CHD1: variants seen among roughly 807,000 people sequenced by gnomAD.
The protein encoded by CHD1 is ATP-dependent chromatin remodeler CHD1.
A neutral mutation model predicts 224.2 loss-of-function variants in CHD1; 36 were observed. That is an observed-to-expected ratio of 0.16 (90% CI 0.12 to 0.21). The LOEUF (loss-of-function observed/expected upper bound fraction) is 0.21, where lower values mean the gene tolerates loss of function less well. CHD1 is among the 10% of genes least tolerant of loss of function. CHD1 has a pLI of 1.00. For synonymous variants in CHD1, 668 were observed against 658.3 expected, an observed-to-expected ratio of 1.01 and a Z score of -0.23; for missense variants, 1,378 against 1,994.8, an observed-to-expected ratio of 0.69 and a Z score of 5.89.
At chr5:98,928,193 C>T (rs1399570366) in intron 1 of CHD1, among the ~76,000 whole-genome samples, 2 of 152,014 alleles carry the variant, frequency 1.3e-5, no homozygotes, top group Non-Finnish European at 2.9e-5. Context: ...CCCCCTCCCG[C>T]CGCTCCCCAC....
At position 98,901,229 on chromosome 5, in the gene CHD1, A is replaced by C. The variant is rs1253197188; in HGVS notation, c.544T>G (p.Tyr182Asp). Residue 182 changes from tyrosine (Y) to aspartate (D), a missense_variant, in exon 6 of 36, where the codon TAT becomes GAT. Physicochemically the swap from Tyr to Asp is radical, Grantham distance 160. Transcript: ENST00000614616. Reference protein sequence around the residue: ...KSSCDETESDYEPKNKVKSRK... With the variant: ...KSSCDETESDDEPKNKVKSRK... ...CTTTTGACTTTGTTTTTTGGCTCAT[A>C]ATCAGATTCTGTTTCATCACAACTG... is the stretch of plus-strand genomic sequence containing the variant. 1.2e-6 allele frequency: 2 copies of C among 1,613,676 alleles called. No homozygotes were observed. The highest frequency in any genetic ancestry group is 2.2e-5 in the East Asian group (1 of 44,836).
intron 1 of CHD1, among the ~76,000 whole-genome samples, chr5:98,926,880 A>C (rs1220810211): frequency 7.7e-6 from 1 of 129,456 alleles, no homozygotes; most frequent in Non-Finnish European, 1.6e-5. Context: ...AGAGTAGATA[A>C]CGGAGTCTTA....
At position 98,901,180 on chromosome 5, in the gene CHD1, C is replaced by G; in HGVS notation, c.587+6G>C. 6.2e-7 allele frequency: 1 copy of G among 1,609,442 alleles called. No homozygotes were observed. ...ATCAATTTTCAGCACCAAACTGAGA[C>G]CATACCTATTTTGAGGTTTTCTGCT... On this transcript the variant is annotated splice_donor_region_variant and intron_variant, in intron 6 of 35. Transcript: ENST00000614616.
intron 17 of CHD1, 83 bp downstream of exon 17, chr5:98,888,003 CTT>C (rs1750765380): frequency 4.6e-6 from 4 of 864,040 alleles, no homozygotes; most frequent in Non-Finnish European, 6.7e-6. Context: ...AACCTAAACA[CTT>C]ATAAAATAAT....
At position 98,872,497 on chromosome 5, in the gene CHD1, A is replaced by G. The variant is rs1580382468; in HGVS notation, c.3630T>C (p.Asn1210=). ...CTTCATGGGAGATGACTAGTTTGGC[A>G]TTCACCTGTACTCCTGATATTCGGA... ...PTFRISGVQV[N]AKLVISHEEE... is the part of the protein sequence containing the mutation. The change falls in exon 27 of 36, where the codon AAT becomes AAC. Residue 1210 remains asparagine (N), a synonymous_variant. Transcript: ENST00000614616. 1 of 1,613,764 alleles carries G rather than the reference A, an allele frequency of 6.2e-7. No homozygotes were observed. Among genetic ancestry groups the G allele is most frequent in the East Asian group, 2.2e-5 (1 of 44,830 alleles).
At chr5:98,885,066 G>T (rs1750551138) in intron 18 of CHD1, among the ~76,000 whole-genome samples, 1 of 151,982 alleles carries the variant, frequency 6.6e-6, no homozygotes, top group Non-Finnish European at 1.5e-5. Flanking sequence ...TAAAATAACT[G>T]TTCCATGCTG....
At chr5:98,860,155 A>T in intron 32 of CHD1, 87 bp from the exon 33 acceptor site, 1 of 728,928 alleles carries the variant, frequency 1.4e-6, no homozygotes, top group Non-Finnish European at 2.5e-6. Context: ...TCCAGGCACA[A>T]ACACATATAC....
intron 32 of CHD1, chr5:98,860,422 T>C (rs1192386821): frequency 3.6e-6 from 1 of 277,716 alleles, no homozygotes; most frequent in African/African-American, 2.3e-5. Context: ...GGGACAGGTA[T>C]GTTAATAACT....
chr5:98,863,078 G>A (rs1192915612), intron 32 of CHD1, among the ~76,000 whole-genome samples: 3 of 151,896 alleles, frequency 2.0e-5, no homozygotes, highest in Admixed American at 2.0e-4. Context: ...AACTTTGTGG[G>A]AACACCAACT....
chr5:98,870,668 C>T lies in CHD1; in HGVS notation c.3978+19G>A. The T allele has an allele frequency of 7.0e-7, 1 of 1,428,002 alleles. No individual in the cohort carries two copies. Among genetic ancestry groups the T allele is most frequent in the South Asian group, 1.3e-5 (1 of 79,718 alleles). 88.5% of individuals were successfully genotyped at this position (1,428,002 alleles called of 1,614,324 possible). Reference sequence around the variant, plus strand: ...TACTAAAAAGTAAACTGGTCTTAGGCATGTGGGCTTTAACTTACCGCACCA... The same window carrying T: ...TACTAAAAAGTAAACTGGTCTTAGGTATGTGGGCTTTAACTTACCGCACCA... On this transcript the variant is annotated intron_variant, in intron 29 of 35. Transcript: ENST00000614616.
At chr5:98,925,415 A>G (rs1426331256) in intron 2 of CHD1, among the ~76,000 whole-genome samples, 2 of 152,196 alleles carry the variant, frequency 1.3e-5, no homozygotes, top group Non-Finnish European at 2.9e-5. Context: ...TAAATAAGAT[A>G]AACAATAGTT....
intron 30 of CHD1, chr5:98,869,392 C>A (rs1344023424): frequency 1.4e-5 from 5 of 365,428 alleles, no homozygotes; most frequent in Non-Finnish European, 2.0e-5. Context: ...CCAGAATCCC[C>A]CTAATAATGA....
At chr5:98,927,115 A>G (rs1164650651) in intron 1 of CHD1, among the ~76,000 whole-genome samples, 1 of 152,238 alleles carries the variant, frequency 6.6e-6, no homozygotes, top group Non-Finnish European at 1.5e-5. Context: ...TAGTGGGATG[A>G]TAACATTTAA....
rs747225398 is a variant in CHD1, at chr5:98,900,972, C to G, written c.698G>C (p.Arg233Pro). 6.2e-7 allele frequency: 1 copy of G among 1,613,974 alleles called. No individual in the cohort carries two copies. Among genetic ancestry groups the G allele is most frequent in the Non-Finnish European group, 8.5e-7 (1 of 1,179,970 alleles). ...EDYDNDKRSSRRQATVNVSYK... is the reference protein window; with the variant it reads ...EDYDNDKRSSPRQATVNVSYK... ...GCTAACATTAACAGTTGCTTGGCGACGAGAACTTCTTTTATCATTATCATA... is the reference window on the plus strand; with the variant it reads ...GCTAACATTAACAGTTGCTTGGCGAGGAGAACTTCTTTTATCATTATCATA... The change falls in exon 7 of 36, where the codon CGT becomes CCT. Residue 233 changes from arginine (R) to proline (P), a missense_variant. Arg to Pro is a moderately radical substitution (Grantham distance 103). Coordinates refer to ENST00000614616, the MANE Select transcript of CHD1 (RefSeq NM_001270.4).
Position 98,904,970 on chromosome 5 carries a change from T to G in CHD1, c.182A>C (p.Gln61Pro). Residue 61 changes from glutamine (Q) to proline (P), a missense_variant, in exon 3 of 36, where the codon CAG (glutamine) becomes CCG (proline). By Grantham distance (76) the Gln-to-Pro change is moderately conservative. Coordinates refer to ENST00000614616, the MANE Select transcript of CHD1 (RefSeq NM_001270.4). Reference sequence around the variant, plus strand: ...GGAAGTGTCTGACTCAGACTCTGACTGACTGCCTGATTCAGATCCGGAGTC... The same window carrying G: ...GGAAGTGTCTGACTCAGACTCTGACGGACTGCCTGATTCAGATCCGGAGTC... ...DSDSGSESGSQSESESDTSRE... is the reference protein window; with the variant it reads ...DSDSGSESGSPSESESDTSRE... The G allele has an allele frequency of 6.2e-7, 1 of 1,609,122 alleles. No homozygotes were observed. Among genetic ancestry groups the G allele is most frequent in the Non-Finnish European group, 8.5e-7 (1 of 1,175,380 alleles).
chr5:98,892,805 A>C, intron 14 of CHD1, 92 bp from the exon 15 acceptor site: 1 of 698,866 alleles, frequency 1.4e-6, no homozygotes, highest in Non-Finnish European at 2.2e-6. Flanking sequence ...GTCATTTATA[A>C]ACAAAATACT....
At chr5:98,926,582 G>C in intron 1 of CHD1, 48 bp from the exon 2 acceptor site, 1 of 375,274 alleles carries the variant, frequency 2.7e-6, no homozygotes, top group Non-Finnish European at 4.7e-6. Flanking sequence ...GCAGAAAAAA[G>C]GTAAATTAAG....
intron 24 of CHD1, among the ~76,000 whole-genome samples, 197 bp downstream of exon 24, chr5:98,876,201 A>G (rs1483325852): frequency 6.6e-6 from 1 of 152,220 alleles, no homozygotes; most frequent in Non-Finnish European, 1.5e-5. Context: ...AATAAATAAC[A>G]TGCAAAGATT....
chr5:98,874,623 G>A (rs1041250149), intron 25 of CHD1, among the ~76,000 whole-genome samples: 2 of 150,490 alleles, frequency 1.3e-5, no homozygotes, highest in African/African-American at 4.9e-5. Flanking sequence ...GAAGCAGGAG[G>A]ATCACATGAA....
Sources: gnomAD v4.1 joint callset for allele counts (sites outside exome capture counted in the v4.1 genomes callset) on GRCh38, gnomAD v4.1.1 for gene constraint, MANE v1.5 for transcripts, NCBI Gene and HGNC (gene_info 2026-07-23, HGNC 2026-07-21) for gene names.